Variants in TINAG observed in about 807,000 individuals in gnomAD.
TINAG encodes tubulointerstitial nephritis antigen.
A neutral mutation model predicts 72.7 loss-of-function variants in TINAG; 83 were observed. That is an observed-to-expected ratio of 1.14 (90% CI 0.96 to 1.37). TINAG has a LOEUF of 1.37. Ranked by LOEUF, TINAG falls within the 40% of genes most tolerant of loss-of-function variation. TINAG has a pLI of 0.00. For missense variants in TINAG, 685 were observed against 576.6 expected (o/e 1.19, Z -1.93); for synonymous variants, 234 against 189.9 (o/e 1.23, Z -1.91).
At chr6:54,370,644 A>T (rs557205218) in intron 9 of TINAG, among the ~76,000 whole-genome samples, 1 of 152,202 alleles carries the variant, frequency 6.6e-6, no homozygotes, top group South Asian at 2.1e-4. Flanking sequence ...TGTTGCAGCC[A>T]TCAATTAGTC....
At chr6:54,365,373 A>G (rs1763375714) in intron 9 of TINAG, 1 of 151,592 alleles carries the variant, frequency 6.6e-6, no homozygotes. Flanking sequence ...ATATTAATAG[A>G]GGTTTGTTTC....
intron 9 of TINAG, among the ~76,000 whole-genome samples, chr6:54,366,626 A>G (rs1449339280): frequency 6.6e-6 from 1 of 151,012 alleles, no homozygotes; most frequent in African/African-American, 2.4e-5. Flanking sequence ...GAGAGAGAAG[A>G]AAGTGCCAAT....
chr6:54,380,430 C>A, intron 9 of TINAG, 96 bp from the exon 10 acceptor site: 1 of 1,009,670 alleles, frequency 9.9e-7, no homozygotes, highest in South Asian at 1.5e-5. Context: ...AGAGAGAAAG[C>A]ACAAAAGATG....
chr6:54,341,288 G>A (rs1420062720), intron 4 of TINAG, among the ~76,000 whole-genome samples: 3 of 152,118 alleles, frequency 2.0e-5, no homozygotes, highest in Non-Finnish European at 4.4e-5. Flanking sequence ...TTTCAAAAGT[G>A]AGTCTGTATC....
intron 10 of TINAG, among the ~76,000 whole-genome samples, chr6:54,381,651 TTAAAA>T (rs1467558587): frequency 6.6e-6 from 1 of 152,084 alleles, no homozygotes; most frequent in Non-Finnish European, 1.5e-5. Flanking sequence ...ATTTTTCTCA[TTAAAA>T]TAAAATAATT....
intron 4 of TINAG, among the ~76,000 whole-genome samples, chr6:54,337,227 T>C (rs1423170301): frequency 6.6e-6 from 1 of 151,304 alleles, no homozygotes; most frequent in Non-Finnish European, 1.5e-5. Flanking sequence ...GTTTAGTTTC[T>C]ACTGTTCATG....
chr6:54,347,313 T>C, intron 5 of TINAG, 54 bp from the exon 6 acceptor site: 1 of 1,585,910 alleles, frequency 6.3e-7, no homozygotes, highest in East Asian at 2.3e-5. Flanking sequence ...TTATGTACCT[T>C]ATTAGAAATA....
intron 9 of TINAG, among the ~76,000 whole-genome samples, chr6:54,369,168 A>G (rs1215416929): frequency 6.6e-6 from 1 of 151,924 alleles, no homozygotes; most frequent in African/African-American, 2.4e-5. Flanking sequence ...GTGTTTGAAA[A>G]TAAGTCACTT....
Position 54,343,352 on chromosome 6 carries a change from A to C in TINAG, c.748+3A>C, listed in dbSNP as rs1174528509. 1 of 1,521,114 alleles carries C rather than the reference A, an allele frequency of 6.6e-7. No homozygotes were observed. Among genetic ancestry groups the C allele is most frequent in the Non-Finnish European group, 8.8e-7 (1 of 1,131,330 alleles). The allele number at this position is 1,521,114 out of a possible 1,614,324, so 94.2% of individuals were successfully genotyped here. A position where few individuals can be genotyped will look rare whatever the true frequency, so the allele number is the denominator to read the frequency against. On this transcript the variant is annotated splice_donor_region_variant and intron_variant, in intron 5 of 10. Transcript: ENST00000259782. ...ATCCTGGGCATTTTCCACTGCAAGT[A>C]ATAAAGTCATTTTAATTCCTTCCTT... is the stretch of plus-strand genomic sequence containing the variant.
At chr6:54,327,100 T>C (rs766784767) in intron 4 of TINAG, 184 bp downstream of exon 4, 1 of 1,547,848 alleles carries the variant, frequency 6.5e-7, no homozygotes. Context: ...CATATGAGAT[T>C]TGCAAGTTTA....
At chr6:54,368,806 A>C (rs977116935) in intron 9 of TINAG, among the ~76,000 whole-genome samples, 1 of 151,730 alleles carries the variant, frequency 6.6e-6, no homozygotes, top group Admixed American at 6.6e-5. Flanking sequence ...GAGATAATAT[A>C]GGTATTTTTA....
At chr6:54,360,168 C>T (rs115061493) in intron 9 of TINAG, among the ~76,000 whole-genome samples, 2 of 151,764 alleles carry the variant, frequency 1.3e-5, no homozygotes, top group African/African-American at 2.4e-5. Flanking sequence ...ATACATATAA[C>T]TCACAGGACT....
chr6:54,325,100 C>T (rs988800772), intron 3 of TINAG, among the ~76,000 whole-genome samples: 4 of 152,202 alleles, frequency 2.6e-5, no homozygotes, highest in Non-Finnish European at 5.9e-5. Flanking sequence ...ATGCTCTCTT[C>T]TTTCATGTCT....
rs112196808 is a variant in TINAG at position 54,338,497 on chromosome 6, G to A, written c.625-4729G>A. Among the ~76,000 whole-genome samples, 1,518 of 151,936 alleles carry A rather than the reference G, an allele frequency of 1.0e-2. 31 individuals are homozygous for A. The highest frequency in any genetic ancestry group is 0.034 in the African/African-American group (1,390 of 41,440). The stretch of plus-strand genomic sequence containing the variant: ...AGCACTTTGGGAGGCCGAGGTGGGC[G>A]GATCACAAGGTCAGGAGATCAAGAC... On this transcript the variant is annotated intron_variant, in intron 4 of 10. Coordinates refer to ENST00000259782, the MANE Select transcript of TINAG (RefSeq NM_014464.4).
intron 10 of TINAG, among the ~76,000 whole-genome samples, chr6:54,382,115 G>T (rs1356870765): frequency 2.0e-5 from 3 of 151,846 alleles, no homozygotes; most frequent in Non-Finnish European, 2.9e-5. Context: ...ACTTACTATC[G>T]ATTCTGAACT....
intron 9 of TINAG, among the ~76,000 whole-genome samples, chr6:54,355,590 A>G (rs2150963446): frequency 6.6e-6 from 1 of 152,034 alleles, no homozygotes; most frequent in African/African-American, 2.4e-5. Flanking sequence ...TTTGAATCTA[A>G]GATAATACTA....
At chr6:54,338,114 T>A (rs1446492919) in intron 4 of TINAG, among the ~76,000 whole-genome samples, 1 of 152,228 alleles carries the variant, frequency 6.6e-6, no homozygotes, top group Non-Finnish European at 1.5e-5. Flanking sequence ...CCTACACTTT[T>A]AGCAGAATGA....
chr6:54,320,813 AT>A (rs1365597481), intron 2 of TINAG, among the ~76,000 whole-genome samples, 171 bp downstream of exon 2: 2 of 152,136 alleles, frequency 1.3e-5, no homozygotes, highest in African/African-American at 4.8e-5. Flanking sequence ...ATTTTAAGGG[AT>A]TTTGAAAATT....
At position 54,320,746 on chromosome 6, in the gene TINAG, G is replaced by A. The variant is rs1352301939; in HGVS notation, c.419+104G>A. ...CAAAGTATACATTTATGTACATATA[G>A]GCAGAATCATACATCATAAGACATC... On this transcript the variant is annotated intron_variant, in intron 2 of 10. Transcript: ENST00000259782. 8 of 843,410 alleles carry A rather than the reference G, an allele frequency of 9.5e-6. No individual in the cohort carries two copies. The African/African-American group carries it at 1.0e-4, about 11-fold the overall frequency. 52.2% of individuals were successfully genotyped at this position (843,410 alleles called of 1,614,324 possible). A position where few individuals can be genotyped will look rare whatever the true frequency, so the allele number is the denominator to read the frequency against.
Sources: gnomAD v4.1 joint callset for allele counts (sites outside exome capture counted in the v4.1 genomes callset) on GRCh38, gnomAD v4.1.1 for gene constraint, MANE v1.5 for transcripts, NCBI Gene and HGNC (gene_info 2026-07-23, HGNC 2026-07-21) for gene names.